Variants in KCND2 observed in about 807,000 individuals in gnomAD.
KCND2 encodes the protein A-type voltage-gated potassium channel KCND2.
A neutral mutation model predicts 54.4 loss-of-function variants in KCND2; 16 were observed. The ratio of observed to expected loss-of-function variants is 0.29; its 90% CI spans 0.20 to 0.45. KCND2 has a LOEUF of 0.45. Ranked by LOEUF, KCND2 falls within the 20% of genes least tolerant of loss-of-function variation. KCND2 has a pLI of 1.00. For missense variants in KCND2, 486 were observed against 824.2 expected, an observed-to-expected ratio of 0.59 and a Z score of 5.02; for synonymous variants, 317 against 310.7, an observed-to-expected ratio of 1.02 and a Z score of -0.21.
chr7:120,688,695 C>A (rs754056505), intron 1 of KCND2, among the ~76,000 whole-genome samples: 1 of 152,268 alleles, frequency 6.6e-6, no homozygotes, highest in Non-Finnish European at 1.5e-5. Flanking sequence ...CTATCATCCT[C>A]AGTTTTTGTT....
intron 1 of KCND2, among the ~76,000 whole-genome samples, chr7:120,390,219 T>G (rs1457881751): frequency 6.6e-6 from 1 of 152,026 alleles, no homozygotes; most frequent in East Asian, 1.9e-4. Context: ...ATAAAATTTT[T>G]ACTACCTGGT....
At chr7:120,532,247 A>G (rs1374968052) in intron 1 of KCND2, among the ~76,000 whole-genome samples, 1 of 152,068 alleles carries the variant, frequency 6.6e-6, no homozygotes, top group African/African-American at 2.4e-5. Flanking sequence ...GAATATTTAT[A>G]CATGTGAACA....
intron 1 of KCND2, among the ~76,000 whole-genome samples, chr7:120,589,192 A>G (rs1275877553): frequency 2.6e-5 from 4 of 152,222 alleles, no homozygotes; most frequent in Non-Finnish European, 5.9e-5. Context: ...AAATAGGAAT[A>G]ATAGAATTAT....
intron 1 of KCND2, among the ~76,000 whole-genome samples, chr7:120,321,759 C>T (rs1799895791): frequency 1.3e-5 from 2 of 152,038 alleles, no homozygotes; most frequent in South Asian, 2.1e-4. Context: ...GTCCAACACG[C>T]TTGCTGTTCC....
intron 1 of KCND2, among the ~76,000 whole-genome samples, chr7:120,626,888 A>G (rs181640479): frequency 6.6e-6 from 1 of 152,334 alleles, no homozygotes; most frequent in Admixed American, 6.5e-5. Context: ...TCTCACTCCA[A>G]AAAAGTCCCT....
intron 1 of KCND2, among the ~76,000 whole-genome samples, chr7:120,469,851 G>T (rs114018482): frequency 6.6e-6 from 1 of 152,052 alleles, no homozygotes. Flanking sequence ...TTACTCAAAT[G>T]CAAGACTAAA....
chr7:120,688,213 AG>A (rs1792228054), intron 1 of KCND2, among the ~76,000 whole-genome samples: 2 of 152,272 alleles, frequency 1.3e-5, no homozygotes, highest in South Asian at 4.1e-4. Flanking sequence ...CTCTATACTA[AG>A]GGTCTACAAA....
chr7:120,273,660 A>T lies in KCND2; in HGVS notation c.-973A>T, dbSNP rs1799118244. On this transcript the variant is annotated 5_prime_UTR_variant, in exon 1 of 6. Coordinates refer to ENST00000331113, the MANE Select transcript of KCND2 (RefSeq NM_012281.3). Reference sequence around the variant, plus strand: ...AGCTTTATTTATGCTCTCTCGGCGCATCGGATTCGGCTGCTCGCGAGCTGC... The same window carrying T: ...AGCTTTATTTATGCTCTCTCGGCGCTTCGGATTCGGCTGCTCGCGAGCTGC... 1 of 152,612 alleles carries T rather than the reference A, an allele frequency of 6.6e-6. No homozygotes were observed. The highest frequency in any genetic ancestry group is 1.5e-5 in the Non-Finnish European group (1 of 68,092). The allele number at this position is 152,612 out of a possible 1,614,324, so 9.5% of individuals were successfully genotyped here. A position where few individuals can be genotyped will look rare whatever the true frequency, so the allele number is the denominator to read the frequency against.
chr7:120,732,764 G>A (rs1792823180), intron 1 of KCND2, 139 bp from the exon 2 acceptor site: 1 of 641,920 alleles, frequency 1.6e-6, no homozygotes, highest in African/African-American at 1.8e-5. Context: ...AAAGTCTGAA[G>A]CCATATATAT....
At chr7:120,439,015 G>A (rs986755352) in intron 1 of KCND2, among the ~76,000 whole-genome samples, 1 of 152,036 alleles carries the variant, frequency 6.6e-6, no homozygotes, top group South Asian at 2.1e-4. Flanking sequence ...GTTTAAGAAG[G>A]TCAATAGTGG....
chr7:120,657,717 G>T (rs1383995648), intron 1 of KCND2, among the ~76,000 whole-genome samples: 3 of 152,132 alleles, frequency 2.0e-5, no homozygotes, highest in Non-Finnish European at 4.4e-5. Flanking sequence ...TCACGGGGCA[G>T]TGCCCCTGTA....
chr7:120,434,118 G>C (rs1801832399), intron 1 of KCND2, among the ~76,000 whole-genome samples: 1 of 152,094 alleles, frequency 6.6e-6, no homozygotes, highest in Admixed American at 6.6e-5. Context: ...ATCCAAACTT[G>C]CTTTATTGAA....
chr7:120,671,968 G>C (rs1791998554), intron 1 of KCND2, among the ~76,000 whole-genome samples: 1 of 151,734 alleles, frequency 6.6e-6, no homozygotes, highest in Non-Finnish European at 1.5e-5. Context: ...TTTTCTTTTT[G>C]TAAATTTATC....
chr7:120,528,383 T>G (rs546576379), intron 1 of KCND2, among the ~76,000 whole-genome samples: 1 of 152,310 alleles, frequency 6.6e-6, no homozygotes, highest in East Asian at 1.9e-4. Context: ...AACAAATTGA[T>G]GACACATTTT....
intron 1 of KCND2, among the ~76,000 whole-genome samples, chr7:120,592,155 GTGCAGGATCCAGCCACA>G (rs1792680040): frequency 6.6e-6 from 1 of 152,190 alleles, no homozygotes; most frequent in Admixed American, 6.5e-5. Flanking sequence ...TAGTCACCAA[GTGCAGGATCCAGCCACA>G]TGCGACAATT....
chr7:120,655,988 G>A (rs555645805), intron 1 of KCND2, among the ~76,000 whole-genome samples: 321 of 152,058 alleles, frequency 2.1e-3, no homozygotes, highest in African/African-American at 5.3e-3. Context: ...CTGAGTTTTC[G>A]TTTAAAATTA....
intron 1 of KCND2, among the ~76,000 whole-genome samples, chr7:120,333,972 T>G (rs938821451): frequency 6.6e-6 from 1 of 152,210 alleles, no homozygotes; most frequent in Non-Finnish European, 1.5e-5. Flanking sequence ...TTTGATTTTC[T>G]GTGAATAAAT....
intron 1 of KCND2, among the ~76,000 whole-genome samples, chr7:120,641,016 A>AT (rs1793364498): frequency 6.6e-6 from 1 of 152,160 alleles, no homozygotes; most frequent in Non-Finnish European, 1.5e-5. Flanking sequence ...TATAATTTGC[A>AT]TTTTTTGCTA....
intron 1 of KCND2, among the ~76,000 whole-genome samples, chr7:120,728,145 A>AG (rs1245692075): frequency 6.0e-5 from 9 of 150,898 alleles, no homozygotes; most frequent in African/African-American, 1.9e-4. Context: ...AAAAAAAAAA[A>AG]AAAGAAAGAA....
Sources: allele counts gnomAD v4.1 joint callset (sites outside exome capture counted in the v4.1 genomes callset), GRCh38; gene constraint gnomAD v4.1.1; transcripts MANE v1.5; gene names NCBI Gene and HGNC (gene_info 2026-07-23, HGNC 2026-07-21).